Variants in INSYN2A observed in about 807,000 individuals in gnomAD.
The protein encoded by INSYN2A is inhibitory synaptic factor 2A, also known as family with sequence similarity 196 member A.
Under a neutral mutation model 39.4 loss-of-function variants are expected in INSYN2A, and 17 were observed. That is an observed-to-expected ratio of 0.43 (90% CI 0.30 to 0.65). The LOEUF is 0.65. INSYN2A is among the 30% of genes least tolerant of loss of function. INSYN2A has a pLI of 0.14. For missense variants in INSYN2A, 595 were observed against 631.2 expected, an observed-to-expected ratio of 0.94 and a Z score of 0.61; for synonymous variants, 255 against 265.7, an observed-to-expected ratio of 0.96 and a Z score of 0.39.
In INSYN2A at chr10:127,153,823, A is replaced by C. The variant is rs369222449; in HGVS notation, c.1256+29T>G. 26 of 1,535,596 alleles carry C rather than the reference A, an allele frequency of 1.7e-5. No individual in the cohort carries two copies. In the South Asian group the frequency reaches 2.9e-4, roughly 17 times the overall value. Reference sequence around the variant, plus strand: ...AACATCATTTGTCACTCATAATAAGAAAGTGGGAAGAGGAGAATGTTAACA... The same window carrying C: ...AACATCATTTGTCACTCATAATAAGCAAGTGGGAAGAGGAGAATGTTAACA... On this transcript the variant is annotated intron_variant, in intron 5 of 5. Transcript: ENST00000522781.
At chr10:127,188,739 A>AT (rs2134065057) in intron 2 of INSYN2A, among the ~76,000 whole-genome samples, 1 of 152,364 alleles carries the variant, frequency 6.6e-6, no homozygotes, top group Admixed American at 6.5e-5. Context: ...CAAAGATCAG[A>AT]AAAGGTAACA....
intron 5 of INSYN2A, among the ~76,000 whole-genome samples, chr10:127,140,700 T>A (rs879584188): frequency 2.0e-4 from 14 of 71,480 alleles, no homozygotes; most frequent in Non-Finnish European, 3.8e-4. Flanking sequence ...GAAACCTGAC[T>A]GGAGGAGGCA....
intron 5 of INSYN2A, among the ~76,000 whole-genome samples, chr10:127,146,490 A>G (rs961085555): frequency 2.0e-5 from 3 of 152,228 alleles, no homozygotes; most frequent in Non-Finnish European, 4.4e-5. Flanking sequence ...ATTTTCAAGA[A>G]GAATTTAGAG....
chr10:127,186,480 A>T (rs1189386537), intron 2 of INSYN2A, among the ~76,000 whole-genome samples: 1 of 133,258 alleles, frequency 7.5e-6, no homozygotes, highest in South Asian at 2.6e-4. Flanking sequence ...TTTCACTCAC[A>T]ATCATGATAA....
intron 5 of INSYN2A, among the ~76,000 whole-genome samples, chr10:127,141,285 G>A (rs1399932914): frequency 6.6e-6 from 1 of 152,130 alleles, no homozygotes; most frequent in Non-Finnish European, 1.5e-5. Flanking sequence ...TCGAATGCAG[G>A]CACCATAATC....
Position 127,176,409 on chromosome 10 carries a change from A to G in INSYN2A, c.-5-9T>C, listed in dbSNP as rs2055161286. The stretch of plus-strand genomic sequence containing the variant: ...CTTACTGACCATGGTTCCTGCATTC[A>G]GAAACAGCAACAGAGGTGTCAGTGG... On this transcript the variant is annotated splice_polypyrimidine_tract_variant and intron_variant, in intron 3 of 5. Coordinates refer to ENST00000522781, the MANE Select transcript of INSYN2A (RefSeq NM_001039762.3). The surrounding 1 kb of genome is among the most constrained non-coding windows in gnomAD (Gnocchi z 4.4). 6.3e-7 allele frequency: 1 copy of G among 1,584,718 alleles called. No homozygotes were observed. Among genetic ancestry groups the G allele is most frequent in the Non-Finnish European group, 8.6e-7 (1 of 1,166,206 alleles).
At chr10:127,155,341 A>G (rs1188211437) in intron 4 of INSYN2A, among the ~76,000 whole-genome samples, 1 of 152,124 alleles carries the variant, frequency 6.6e-6, no homozygotes, top group African/African-American at 2.4e-5. Flanking sequence ...ACGTGACCTC[A>G]TGGTTATGTG....
chr10:127,153,994 C>T (rs1185563687), intron 4 of INSYN2A, 71 bp from the exon 5 acceptor site: 4 of 1,060,610 alleles, frequency 3.8e-6, no homozygotes, highest in Non-Finnish European at 5.9e-6. Context: ...GCAGATGCCT[C>T]AAATCAAATG....
intron 4 of INSYN2A, among the ~76,000 whole-genome samples, chr10:127,166,056 C>T (rs901156136): frequency 6.6e-6 from 1 of 152,106 alleles, no homozygotes; most frequent in Non-Finnish European, 1.5e-5. Context: ...AAAATGCCTG[C>T]ATTTTCTTAT....
intron 4 of INSYN2A, among the ~76,000 whole-genome samples, chr10:127,170,893 A>C (rs1437660234): frequency 1.3e-5 from 2 of 152,248 alleles, no homozygotes; most frequent in Non-Finnish European, 2.9e-5. Flanking sequence ...CCCGCACTGC[A>C]TAAAGCAGAG....
chr10:127,174,035 AG>A (rs898240327), intron 4 of INSYN2A, among the ~76,000 whole-genome samples: 57 of 152,338 alleles, frequency 3.7e-4, no homozygotes, highest in African/African-American at 1.3e-3. Context: ...CTCCACCTTA[AG>A]GCAGGAGGTG....
chr10:127,168,584 C>T (rs1434233505), intron 4 of INSYN2A, among the ~76,000 whole-genome samples: 1 of 152,216 alleles, frequency 6.6e-6, no homozygotes, highest in Admixed American at 6.5e-5. Flanking sequence ...CACCTCCTCT[C>T]CTCAAAATTG....
At chr10:127,195,402 C>T (rs2057040266) in intron 1 of INSYN2A, among the ~76,000 whole-genome samples, 1 of 152,178 alleles carries the variant, frequency 6.6e-6, no homozygotes, top group African/African-American at 2.4e-5. Flanking sequence ...CAACCCGCAG[C>T]CCCGGGAAGG....
chr10:127,179,673 A>C (rs2055537385), intron 2 of INSYN2A, among the ~76,000 whole-genome samples: 1 of 152,170 alleles, frequency 6.6e-6, no homozygotes, highest in Non-Finnish European at 1.5e-5. Context: ...GATTACCATT[A>C]AGAAAATGAT....
chr10:127,139,561 T>TG (rs1208140577), intron 5 of INSYN2A, among the ~76,000 whole-genome samples: 6 of 152,184 alleles, frequency 3.9e-5, no homozygotes, highest in African/African-American at 1.4e-4. Flanking sequence ...TACGTGATGA[T>TG]GGAGGCATAG....
chr10:127,150,711 A>G (rs2052402938), intron 5 of INSYN2A, among the ~76,000 whole-genome samples: 1 of 152,244 alleles, frequency 6.6e-6, no homozygotes, highest in Admixed American at 6.5e-5. Context: ...GCATGAGAAG[A>G]TAGTCATTGC....
intron 4 of INSYN2A, among the ~76,000 whole-genome samples, chr10:127,157,452 T>C (rs2053192159): frequency 6.6e-6 from 1 of 152,254 alleles, no homozygotes. Flanking sequence ...GTTTTTCTTA[T>C]AGGTGGTTGA....
intron 4 of INSYN2A, among the ~76,000 whole-genome samples, chr10:127,174,236 CAGGGCGCTG>C (rs1306084533): frequency 6.6e-6 from 1 of 152,216 alleles, no homozygotes; most frequent in African/African-American, 2.4e-5. Flanking sequence ...CATGAGGCAA[CAGGGCGCTG>C]CCTCCGATGT....
At chr10:127,173,167 GT>G (rs1223561005) in intron 4 of INSYN2A, among the ~76,000 whole-genome samples, 6 of 152,118 alleles carry the variant, frequency 3.9e-5, no homozygotes, top group African/African-American at 1.4e-4. Flanking sequence ...CATGCCACTA[GT>G]GGACATCTAC....
Sources: gnomAD v4.1 joint callset for allele counts (sites outside exome capture counted in the v4.1 genomes callset) on GRCh38, gnomAD v4.1.1 for gene constraint, Gnocchi (gnomAD v3.1) non-coding constraint, MANE v1.5 for transcripts, NCBI Gene and HGNC (gene_info 2026-07-23, HGNC 2026-07-21) for gene names.